Variants in LAMA5 observed in about 807,000 individuals in gnomAD.
LAMA5 encodes laminin subunit alpha 5.
A neutral mutation model predicts 433.4 loss-of-function variants in LAMA5; 260 were observed. The ratio of observed to expected loss-of-function variants is 0.60; its 90% confidence interval spans 0.54 to 0.66. LAMA5 has a LOEUF of 0.66. Ranked by LOEUF, LAMA5 falls within the 30% of genes least tolerant of loss-of-function variation. The pLI, the probability that LAMA5 is intolerant of heterozygous loss-of-function variation, is 0.00. For missense variants in LAMA5, 5,378 were observed against 5,258.5 expected, an observed-to-expected ratio of 1.02 and a Z score of -0.70; for synonymous variants, 2,620 against 2,226.6, an observed-to-expected ratio of 1.18 and a Z score of -4.97.
intron 57 of LAMA5, among the ~76,000 whole-genome samples, 165 bp downstream of exon 57, chr20:62,316,506 G>A (rs1254268292): frequency 1.3e-5 from 2 of 152,162 alleles, no homozygotes; most frequent in African/African-American, 4.8e-5. Flanking sequence ...GGCTCCCCGG[G>A]GCTGACACAC....
In LAMA5 at chr20:62,312,638, G is replaced by T. The variant is rs1388800470; in HGVS notation, c.9221C>A (p.Pro3074His). Residue 3074 changes from proline to histidine, a missense_variant, in exon 67 of 80, where the codon CCC becomes CAC. Transcript: ENST00000252999. ...AGCTGCGCACAGTGCTTACCTCGGG[G>T]GCAGCTGGTCGGGCGGCACGCCCCC... ...YLGGVPPDQL[P>H]PSLRRLFPTG... The T allele has an allele frequency of 1.2e-6, 2 of 1,606,112 alleles. No individual in the cohort carries two copies. Among genetic ancestry groups the T allele is most frequent in the Admixed American group, 1.7e-5 (1 of 59,228 alleles).
In LAMA5 at chr20:62,312,729, C is replaced by T. The variant is rs1252114403; in HGVS notation, c.9130G>A (p.Glu3044Lys). Residue 3044 changes from glutamate to lysine, a missense_variant, in exon 67 of 80, where the codon GAG becomes AAG. Glu to Lys is a moderately conservative substitution (Grantham distance 56). Coordinates refer to ENST00000252999, the MANE Select transcript of LAMA5 (RefSeq NM_005560.6). ...GSRKRVLVRVERATVYSVEQD... is the reference protein window; with the variant it reads ...GSRKRVLVRVKRATVYSVEQD... The stretch of plus-strand genomic sequence containing the variant: ...TCCACGCTGTACACCGTGGCCCGCT[C>T]CACACGCACCAGCACACGCTTGCGG... The T allele has an allele frequency of 6.3e-7, 1 of 1,596,358 alleles. No individual in the cohort carries two copies. Among genetic ancestry groups the T allele is most frequent in the Non-Finnish European group, 8.5e-7 (1 of 1,172,750 alleles).
intron 32 of LAMA5, 77 bp from the exon 33 acceptor site, chr20:62,329,330 C>G: frequency 2.9e-6 from 3 of 1,045,288 alleles, no homozygotes; most frequent in South Asian, 1.4e-5. Flanking sequence ...TGGCTGGGAC[C>G]AGGGTCCTGC....
rs370309328 is a variant in LAMA5, at chr20:62,316,794, C to T, written c.7654-21G>A. On this transcript the variant is annotated intron_variant, in intron 56 of 79. Transcript: ENST00000252999. ...ACCGTCTGTGGATGCCAGGGCAGAC[C>T]GTGGCTCAGACACGCAGGCCGGGGC... The T allele has an allele frequency of 4.8e-5, 76 of 1,587,226 alleles. No individual in the cohort carries two copies. In the Admixed American group the frequency reaches 6.6e-4, roughly 14 times the overall value.
At chr20:62,353,089 A>ACC (rs761487021) in intron 3 of LAMA5, 45 bp downstream of exon 3, 33 of 1,395,152 alleles carry the variant, frequency 2.4e-5, no homozygotes, top group Non-Finnish European at 2.8e-5. Flanking sequence ...CTGCCCAGGG[A>ACC]CCCCCCTGCC....
In LAMA5 at chr20:62,335,846, G is replaced by C. The variant is rs149551313; in HGVS notation, c.2323+494C>G. 3.8e-4 allele frequency among the ~76,000 whole-genome samples: 42 copies of C among 111,584 alleles called. 2 individuals are homozygous for C. The East Asian group carries it at 9.8e-3, about 26-fold the overall frequency. 73.2% of individuals were successfully genotyped at this position (111,584 alleles called of 152,430 possible). A position where few individuals can be genotyped will look rare whatever the true frequency, so the allele number is the denominator to read the frequency against. ...CTCCAGGACACCCTCATGGACTCCA[G>C]TACCCCCCCAGGAACCCCTGCACCC... On this transcript the variant is annotated intron_variant, in intron 18 of 79. Transcript: ENST00000252999.
At position 62,310,281 on chromosome 20, in the gene LAMA5, C is replaced by T. The variant is rs760826757; in HGVS notation, c.10631G>A (p.Gly3544Asp). ...CAGGGGCCGCACCTCCAGTTCCAGG[C>T]CCACATCAGGCAGTGTAGCTCCTGG... ...DLPGATLPDV[G>D]LELEVRPLAV... The change falls in exon 77 of 80, where the codon GGC becomes GAC. Residue 3544 changes from glycine (G) to aspartate (D), a missense_variant. Coordinates refer to ENST00000252999, the MANE Select transcript of LAMA5 (RefSeq NM_005560.6). 1.9e-6 allele frequency: 3 copies of T among 1,610,540 alleles called. No homozygotes were observed. In the South Asian group the frequency reaches 3.3e-5, roughly 18 times the overall value.
chr20:62,315,855 C>T (rs1296728341), intron 58 of LAMA5, 93 bp downstream of exon 58: 2 of 970,024 alleles, frequency 2.1e-6, no homozygotes, highest in African/African-American at 1.6e-5. Flanking sequence ...TTCCACAGCA[C>T]AGTGAGTGCT....
chr20:62,336,542 G>A (rs1981664860), intron 17 of LAMA5, 97 bp from the exon 18 acceptor site: 2 of 1,196,694 alleles, frequency 1.7e-6, no homozygotes, highest in East Asian at 2.4e-5. Context: ...GGTGAGGGCT[G>A]AGGGCCCTCA....
intron 28 of LAMA5, among the ~76,000 whole-genome samples, chr20:62,331,745 T>C (rs376427116): frequency 7.2e-5 from 11 of 152,324 alleles, no homozygotes; most frequent in African/African-American, 2.6e-4. Context: ...CAGAACATGT[T>C]GTGTGGCATT....
rs138401267 is a variant in LAMA5 at position 62,345,966 on chromosome 20, C to A, written c.1418-89G>T. 5.7e-3 allele frequency: 8,962 copies of A among 1,572,436 alleles called. 44 individuals are homozygous for A. Among genetic ancestry groups the A allele is most frequent in the Non-Finnish European group, 6.9e-3 (7,956 of 1,151,900 alleles). ...GCCACCCTTGGTCTCTCAGCACAAT[C>A]GGAGATGCAGGCAGGATAACATGGT... On this transcript the variant is annotated intron_variant, in intron 10 of 79. Transcript: ENST00000252999.
chr20:62,325,336 A>G lies in LAMA5; in HGVS notation c.5509T>C (p.Tyr1837His). 4 of 1,592,832 alleles carry G rather than the reference A, an allele frequency of 2.5e-6. No homozygotes were observed. The highest frequency in any genetic ancestry group is 3.4e-6 in the Non-Finnish European group (4 of 1,167,040). Reference protein sequence around the residue: ...NVELCLCPASYRGDSCQECAP... With the variant: ...NVELCLCPASHRGDSCQECAP... The stretch of plus-strand genomic sequence containing the variant: ...CTCACCTGGCATGAGTCCCCCCGGT[A>G]GCTGGCGGGGCACAGGCACAGCTCC... The change falls in exon 41 of 80, where the codon TAC becomes CAC. Residue 1837 changes from tyrosine to histidine, a missense_variant. Transcript: ENST00000252999.
chr20:62,327,675 G>A lies in LAMA5; in HGVS notation c.4798-6C>T, dbSNP rs1979548934. The A allele has an allele frequency of 6.2e-7, 1 of 1,612,440 alleles. No individual in the cohort carries two copies. The highest frequency in any genetic ancestry group is 8.5e-7 in the Non-Finnish European group (1 of 1,179,532). On this transcript the variant is annotated splice_region_variant and splice_polypyrimidine_tract_variant and intron_variant, in intron 36 of 79. Coordinates refer to ENST00000252999, the MANE Select transcript of LAMA5 (RefSeq NM_005560.6). Reference sequence around the variant, plus strand: ...TTGGGGCCCTGCACGTTCTCCTAGGGATGAGAGGACAGTGAGAGTGGTCGG... The same window carrying A: ...TTGGGGCCCTGCACGTTCTCCTAGGAATGAGAGGACAGTGAGAGTGGTCGG...
chr20:62,328,277 G>C lies in LAMA5; in HGVS notation c.4616C>G (p.Thr1539Arg), dbSNP rs779933675. Residue 1539 changes from threonine (T) to arginine (R), a missense_variant, in exon 35 of 80, where the codon ACA (threonine) becomes AGA (arginine). By Grantham distance (71) the Thr-to-Arg change is moderately conservative (BLOSUM62 -1). Coordinates refer to ENST00000252999, the MANE Select transcript of LAMA5 (RefSeq NM_005560.6). ...GCTGTCTGTGTCACAGGTAGGGTCT[G>C]TGAGCTCCTGGATGCCGGGCCCTGA... ...NCSGPGIQEL[T>R]DPTCDTDSGQ... is the part of the protein sequence containing the mutation. The C allele has an allele frequency of 6.2e-7, 1 of 1,608,556 alleles. No homozygotes were observed. The highest frequency in any genetic ancestry group is 8.5e-7 in the Non-Finnish European group (1 of 1,178,258).
chr20:62,324,116 A>C lies in LAMA5; in HGVS notation c.5732T>G (p.Val1911Gly). The stretch of plus-strand genomic sequence containing the variant: ...CACTGAGAGGGGGCAGGGGCAGCTG[A>C]CACAGGGGGCGCTGGGGTCGTCCCT... Reference protein sequence around the residue: ...SSRDDPSAPCVSCPCPLSVPS... With the variant: ...SSRDDPSAPCGSCPCPLSVPS... The change falls in exon 43 of 80, where the codon GTC (valine) becomes GGC (glycine). Residue 1911 changes from valine to glycine, a missense_variant. Physicochemically the swap from Val to Gly is moderately radical, Grantham distance 109 (BLOSUM62 -3). Transcript: ENST00000252999. The surrounding 1 kb of genome is among the most constrained non-coding windows in gnomAD (Gnocchi z 4.4). 1 of 1,520,370 alleles carries C rather than the reference A, an allele frequency of 6.6e-7. No individual in the cohort carries two copies. The highest frequency in any genetic ancestry group is 8.8e-7 in the Non-Finnish European group (1 of 1,137,140). 94.2% of individuals were successfully genotyped at this position (1,520,370 alleles called of 1,614,324 possible). A position where few individuals can be genotyped will look rare whatever the true frequency, so the allele number is the denominator to read the frequency against.
In LAMA5 at chr20:62,314,347, C is replaced by T. The variant is rs146115851; in HGVS notation, c.8461G>A (p.Asp2821Asn). 9 of 1,613,252 alleles carry T rather than the reference C, an allele frequency of 5.6e-6. No homozygotes were observed. The highest frequency in any genetic ancestry group is 1.7e-5 in the Admixed American group (1 of 59,976). Reference protein sequence around the residue: ...GEAGPAVLSIDEDIGEQFAAV... With the variant: ...GEAGPAVLSINEDIGEQFAAV... ...GCGAACTGCTCCCCAATGTCCTCATCGATGCTTAGGACTGCAGGGCCCGCC... is the reference window on the plus strand; with the variant it reads ...GCGAACTGCTCCCCAATGTCCTCATTGATGCTTAGGACTGCAGGGCCCGCC... The change falls in exon 62 of 80, where the codon GAT becomes AAT. Residue 2821 changes from aspartate to asparagine, a missense_variant. Asp to Asn is a conservative substitution (Grantham distance 23). Coordinates refer to ENST00000252999, the MANE Select transcript of LAMA5 (RefSeq NM_005560.6).
At chr20:62,330,682 T>C in intron 30 of LAMA5, 61 bp downstream of exon 30, 1 of 1,559,684 alleles carries the variant, frequency 6.4e-7, no homozygotes, top group Non-Finnish European at 8.7e-7. Flanking sequence ...CAACCTGCCC[T>C]GGGTTGGGAC....
chr20:62,338,588 C>T lies in LAMA5; in HGVS notation c.1498G>A (p.Gly500Arg). Reference sequence around the variant, plus strand: ...TTCCGGCAGGCGTTGCCCTGGGTCCCTGCCGCGCTGCAGTCACAATCTGGA... The same window carrying T: ...TTCCGGCAGGCGTTGCCCTGGGTCCTTGCCGCGCTGCAGTCACAATCTGGA... ...QIVNCDCSAA[G>R]TQGNACRKDP... Residue 500 changes from glycine to arginine, a missense_variant, in exon 12 of 80, where the codon GGG becomes AGG. Gly to Arg is a moderately radical substitution (Grantham distance 125). Coordinates refer to ENST00000252999, the MANE Select transcript of LAMA5 (RefSeq NM_005560.6). 1 of 1,610,474 alleles carries T rather than the reference C, an allele frequency of 6.2e-7. No individual in the cohort carries two copies. Among genetic ancestry groups the T allele is most frequent in the Non-Finnish European group, 8.5e-7 (1 of 1,179,420 alleles).
rs760260946 is a variant in LAMA5 at position 62,331,047 on chromosome 20, G to A, written c.3635C>T (p.Ala1212Val). ...CTGCCATTACCTGTTGGGGCCAAAG[G>A]CGCCGTGGCTGCTGATGCAGCTGAC... The part of the protein sequence containing the change: ...PRVSCISSHG[A>V]FGPNSAACLP... The change falls in exon 29 of 80, where the codon GCC becomes GTC. Residue 1212 changes from alanine (A) to valine (V), a missense_variant. By Grantham distance (64) the Ala-to-Val change is moderately conservative. Coordinates refer to ENST00000252999, the MANE Select transcript of LAMA5 (RefSeq NM_005560.6). 237 of 1,601,064 alleles carry A rather than the reference G, an allele frequency of 1.5e-4. 1 individual carries two copies. Among genetic ancestry groups the A allele is most frequent in the Non-Finnish European group, 1.9e-4 (228 of 1,174,358 alleles).
Sources: gnomAD v4.1 joint callset for allele counts (sites outside exome capture counted in the v4.1 genomes callset) on GRCh38, gnomAD v4.1.1 for gene constraint, Gnocchi (gnomAD v3.1) non-coding constraint, MANE v1.5 for transcripts, NCBI Gene and HGNC (gene_info 2026-07-23, HGNC 2026-07-21) for gene names.